RABEP2: variants seen among roughly 807,000 people sequenced by gnomAD.
The protein encoded by RABEP2 is rabaptin, RAB GTPase binding effector protein 2.
In RABEP2, 57 loss-of-function variants were observed where a neutral mutation model predicts 74.1. The ratio of observed to expected loss-of-function variants is 0.77; its 90% confidence interval spans 0.62 to 0.96. The LOEUF is 0.96. Ranked by LOEUF, RABEP2 falls within the 40% of genes least tolerant of loss-of-function variation. The probability of loss-of-function intolerance (pLI) is 0.00; values close to 1 mark genes in which losing one functional copy is unlikely to be tolerated. For synonymous variants in RABEP2, 351 were observed against 344.0 expected (o/e 1.02, Z -0.23); for missense variants, 692 against 756.3 (o/e 0.91, Z 1.00).
chr16:28,918,438 C>T (rs1022343703), intron 3 of RABEP2, among the ~76,000 whole-genome samples: 20 of 151,898 alleles, frequency 1.3e-4, no homozygotes, highest in Admixed American at 1.1e-3. Context: ...CACGGTGAAA[C>T]CCCGTCGCTA....
chr16:28,904,763 A>G lies in RABEP2; in HGVS notation c.*180T>C. The G allele has an allele frequency of 1.5e-6, 1 of 648,334 alleles. No homozygotes were observed. The highest frequency in any genetic ancestry group is 2.6e-6 in the Non-Finnish European group (1 of 383,550). The allele number at this position is 648,334 out of a possible 1,614,324, so 40.2% of individuals were successfully genotyped here. On this transcript the variant is annotated 3_prime_UTR_variant, in exon 13 of 13. Transcript: ENST00000358201. Reference sequence around the variant, plus strand: ...CCCAGGTGTGATCCCTGAGAACAGGAGGCCCAGCCACCCTGGGAGGAGGCG... The same window carrying G: ...CCCAGGTGTGATCCCTGAGAACAGGGGGCCCAGCCACCCTGGGAGGAGGCG...
intron 7 of RABEP2, among the ~76,000 whole-genome samples, chr16:28,909,256 T>C (rs892284071): frequency 7.2e-5 from 11 of 152,000 alleles, no homozygotes; most frequent in Admixed American, 6.6e-4. Flanking sequence ...TTTGTACTTT[T>C]AGTAGAGACG....
At chr16:28,916,870 G>A (rs1964403096) in intron 3 of RABEP2, among the ~76,000 whole-genome samples, 2 of 150,794 alleles carry the variant, frequency 1.3e-5, no homozygotes, top group South Asian at 4.2e-4. Flanking sequence ...TGTAATCCCA[G>A]CTACTTGGGA....
At chr16:28,905,557 G>A (rs778462689) in intron 11 of RABEP2, 44 bp from the exon 12 acceptor site, 8 of 1,586,612 alleles carry the variant, frequency 5.0e-6, no homozygotes, top group Non-Finnish European at 6.9e-6. Context: ...GGCTCAGCCT[G>A]GACCAGATGG....
In RABEP2 at chr16:28,925,120, C is replaced by T. The variant is rs763667472; in HGVS notation, c.44G>A (p.Arg15Gln). 5 of 1,535,688 alleles carry T rather than the reference C, an allele frequency of 3.3e-6. No individual in the cohort carries two copies. In the South Asian group the frequency reaches 4.8e-5, roughly 15 times the overall value. The change falls in exon 1 of 13, where the codon CGG becomes CAG. Residue 15 changes from arginine to glutamine, a missense_variant. By Grantham distance (43) the Arg-to-Gln change is conservative. Transcript: ENST00000358201. ...TCACGTACCAGCCCCCGGCCGCCGCCGCCGCTCATCGTCGTCCGCGGCCAC... is the reference window on the plus strand; with the variant it reads ...TCACGTACCAGCCCCCGGCCGCCGCTGCCGCTCATCGTCGTCCGCGGCCAC... ...APVAADDDER[R>Q]RRPGAALEDS...
At chr16:28,918,441 C>T (rs1964425288) in intron 3 of RABEP2, among the ~76,000 whole-genome samples, 1 of 151,862 alleles carries the variant, frequency 6.6e-6, no homozygotes, top group South Asian at 2.1e-4. Flanking sequence ...GGTGAAACCC[C>T]GTCGCTACTA....
chr16:28,909,087 A>T (rs1405272297), intron 7 of RABEP2, among the ~76,000 whole-genome samples: 1 of 151,546 alleles, frequency 6.6e-6, no homozygotes, highest in African/African-American at 2.4e-5. Flanking sequence ...AAAAATATAT[A>T]TTTTTTTGAG....
At position 28,921,920 on chromosome 16, in the gene RABEP2, G is replaced by A. The variant is rs554812692; in HGVS notation, c.275-1977C>T. On this transcript the variant is annotated intron_variant, in intron 2 of 12. Coordinates refer to ENST00000358201, the MANE Select transcript of RABEP2 (RefSeq NM_024816.3). ...GCGGAGGTTGCAGTGAACCGAGATT[G>A]TGCCACCGCACTTCAGCCTGGGTGA... 3.3e-5 allele frequency among the ~76,000 whole-genome samples: 5 copies of A among 152,078 alleles called. 1 individual carries two copies. Among genetic ancestry groups the A allele is most frequent in the Admixed American group, 2.6e-4 (4 of 15,262 alleles).
rs1294127587 is a variant in RABEP2 at position 28,911,066 on chromosome 16, G to A, written c.990+18C>T. The A allele has an allele frequency of 1.2e-6, 2 of 1,612,078 alleles. No homozygotes were observed. ...TAGCCAGAGGCCGGCTGGGGCTGCA[G>A]CAGCGGCAGGGACCCACCTGCTTGG... is the stretch of plus-strand genomic sequence containing the variant. On this transcript the variant is annotated intron_variant, in intron 6 of 12. Transcript: ENST00000358201.
chr16:28,909,848 C>A (rs910373744), intron 7 of RABEP2, among the ~76,000 whole-genome samples: 1 of 151,494 alleles, frequency 6.6e-6, no homozygotes, highest in Non-Finnish European at 1.5e-5. Context: ...CACGGTGAAA[C>A]CCCGTCTCTA....
rs1596702739 is a variant in RABEP2, at chr16:28,918,121, G to A, written c.432+1665C>T. Among the ~76,000 whole-genome samples the A allele has an allele frequency of 3.5e-5, 5 of 143,880 alleles. No homozygotes were observed. The South Asian group carries it at 1.1e-3, about 32-fold the overall frequency. 94.4% of individuals were successfully genotyped at this position (143,880 alleles called of 152,430 possible). A position where few individuals can be genotyped will look rare whatever the true frequency, so the allele number is the denominator to read the frequency against. ...GGAGTCTCGCTCTGTCGCCCAGGTGGGACTGCGGACTGCAGTGGCGCAATC... is the reference window on the plus strand; with the variant it reads ...GGAGTCTCGCTCTGTCGCCCAGGTGAGACTGCGGACTGCAGTGGCGCAATC... On this transcript the variant is annotated intron_variant, in intron 3 of 12. Coordinates refer to ENST00000358201, the MANE Select transcript of RABEP2 (RefSeq NM_024816.3).
intron 5 of RABEP2, among the ~76,000 whole-genome samples, chr16:28,913,522 C>T (rs928820984): frequency 6.6e-6 from 1 of 152,032 alleles, no homozygotes; most frequent in African/African-American, 2.4e-5. Flanking sequence ...ACTCTTGTTG[C>T]CCAGGATGGA....
At chr16:28,915,645 A>G (rs1964382174) in intron 3 of RABEP2, among the ~76,000 whole-genome samples, 1 of 152,070 alleles carries the variant, frequency 6.6e-6, no homozygotes, top group Non-Finnish European at 1.5e-5. Context: ...CCTGGGTTCA[A>G]GCGATTCTCC....
intron 12 of RABEP2, 59 bp from the exon 13 acceptor site, chr16:28,905,103 A>C: frequency 2.8e-6 from 4 of 1,427,258 alleles, no homozygotes; most frequent in Non-Finnish European, 9.5e-7. Flanking sequence ...CCCCTACCCC[A>C]CCTGCCAGCC....
rs1230838241 is a variant in RABEP2 at position 28,925,208 on chromosome 16, G to C, written c.-45C>G. The C allele has an allele frequency of 2.0e-6, 3 of 1,510,314 alleles. No individual in the cohort carries two copies. The South Asian group carries it at 3.7e-5, about 19-fold the overall frequency. 93.6% of individuals were successfully genotyped at this position (1,510,314 alleles called of 1,614,324 possible). On this transcript the variant is annotated 5_prime_UTR_variant, in exon 1 of 13. Transcript: ENST00000358201. ...GATTCCCGCACTCCCTGGTGACGGA[G>C]CGCACCGCTTCCGGGTCCTCTCGGC...
In RABEP2 at chr16:28,919,807, G is replaced by A; in HGVS notation, c.411C>T (p.Ser137=). 1 of 1,608,736 alleles carries A rather than the reference G, an allele frequency of 6.2e-7. No individual in the cohort carries two copies. The change falls in exon 3 of 13, where the codon TCC becomes TCT. Residue 137 remains serine, a synonymous_variant. Coordinates refer to ENST00000358201, the MANE Select transcript of RABEP2 (RefSeq NM_024816.3). ...CAACCTTTTCCATCTGCTTCTCCAG[G>A]GAGTCCAGGGGGTAGGCCCGGGACA... ...QLLSRAYPLD[S]LEKQMEKAHE...
chr16:28,920,092 G>C (rs888779613), intron 2 of RABEP2, 149 bp from the exon 3 acceptor site: 6 of 935,288 alleles, frequency 6.4e-6, no homozygotes, highest in African/African-American at 5.0e-5. Flanking sequence ...AAATTGACCT[G>C]GGCAATCACT....
intron 3 of RABEP2, among the ~76,000 whole-genome samples, chr16:28,915,749 T>C (rs974315036): frequency 2.6e-5 from 4 of 151,568 alleles, no homozygotes; most frequent in South Asian, 2.1e-4. Context: ...TTCACTATTT[T>C]GGCCAGGCTT....
chr16:28,904,646 G>A lies in RABEP2; in HGVS notation c.*297C>T. 2.4e-6 allele frequency: 2 copies of A among 831,330 alleles called. No homozygotes were observed. Among genetic ancestry groups the A allele is most frequent in the South Asian group, 3.5e-5 (2 of 56,428 alleles). The allele number at this position is 831,330 out of a possible 1,614,324, so 51.5% of individuals were successfully genotyped here. A position where few individuals can be genotyped will look rare whatever the true frequency, so the allele number is the denominator to read the frequency against. Reference sequence around the variant, plus strand: ...TGGGCAGGGGACGGGCTGGGGGCAGGGGAGGGCTGGAGCCCAGGAGGCAGC... The same window carrying A: ...TGGGCAGGGGACGGGCTGGGGGCAGAGGAGGGCTGGAGCCCAGGAGGCAGC... On this transcript the variant is annotated 3_prime_UTR_variant, in exon 13 of 13. Transcript: ENST00000358201.
Sources: allele counts gnomAD v4.1 joint callset (sites outside exome capture counted in the v4.1 genomes callset), GRCh38; gene constraint gnomAD v4.1.1; transcripts MANE v1.5; gene names NCBI Gene and HGNC (gene_info 2026-07-23, HGNC 2026-07-21).